Variants in EIF4ENIF1 observed in about 807,000 individuals in gnomAD.
The protein encoded by EIF4ENIF1 is eukaryotic translation initiation factor 4E transporter.
A neutral mutation model predicts 110.5 loss-of-function variants in EIF4ENIF1; 23 were observed. The observed-to-expected ratio is 0.21, with a 90% CI of 0.15 to 0.29. EIF4ENIF1 has a LOEUF of 0.29. Ranked by LOEUF, EIF4ENIF1 falls within the 10% of genes least tolerant of loss-of-function variation. EIF4ENIF1 has a pLI of 1.00. For missense variants in EIF4ENIF1, 1,031 were observed against 1,221.1 expected, an observed-to-expected ratio of 0.84 and a Z score of 2.32; for synonymous variants, 440 against 437.0, an observed-to-expected ratio of 1.01 and a Z score of -0.09.
chr22:31,489,378 A>G (rs761733), intron 1 of EIF4ENIF1: 152,557 of 152,560 alleles, frequency 1, 76,277 homozygotes, highest in Non-Finnish European at 1. Context: ...GGAAGGGCGG[A>G]GACCGTACTC....
chr22:31,439,441 A>AAACT lies in EIF4ENIF1; in HGVS notation c.*435_*438dup, dbSNP rs2050225700. 1.3e-5 allele frequency: 2 copies of AAACT among 156,828 alleles called. No individual in the cohort carries two copies. Among genetic ancestry groups the AAACT allele is most frequent in the Non-Finnish European group, 1.4e-5 (1 of 70,798 alleles). The allele number at this position is 156,828 out of a possible 1,614,324, so 9.7% of individuals were successfully genotyped here. A position where few individuals can be genotyped will look rare whatever the true frequency, so the allele number is the denominator to read the frequency against. ...CCAAATGTACAAGTGAAAAAAATCCAAACTGTTGACACAGGCCTAACTAAT... is the reference window on the plus strand; with the variant it reads ...CCAAATGTACAAGTGAAAAAAATCCAAACTAACTGTTGACACAGGCCTAACTAAT... On this transcript the variant is annotated 3_prime_UTR_variant, in exon 19 of 19. Transcript: ENST00000330125.
chr22:31,437,051 T>C (rs2145876572), downstream of EIF4ENIF1: 1 of 152,336 alleles, frequency 6.6e-6, no homozygotes, highest in African/African-American at 2.4e-5. Context: ...AGAGTCTGGC[T>C]TAAAAGACAC....
At chr22:31,449,701 T>C (rs965453175) in intron 11 of EIF4ENIF1, among the ~76,000 whole-genome samples, 170 bp from the exon 12 acceptor site, 1 of 151,868 alleles carries the variant, frequency 6.6e-6, no homozygotes, top group Non-Finnish European at 1.5e-5. Context: ...GCTAGCAACA[T>C]ATGCTCTAAG....
chr22:31,485,878 G>A (rs1486277144), intron 2 of EIF4ENIF1, among the ~76,000 whole-genome samples: 5 of 152,120 alleles, frequency 3.3e-5, no homozygotes, highest in Non-Finnish European at 1.5e-5. Flanking sequence ...CACTTTGGGA[G>A]GCCTAGGTGG....
chr22:31,491,431 C>T (rs998256819), upstream of EIF4ENIF1, among the ~76,000 whole-genome samples: 2 of 152,136 alleles, frequency 1.3e-5, no homozygotes, highest in African/African-American at 4.8e-5. Flanking sequence ...AAATCCTGAC[C>T]CTGCCAATTA....
At chr22:31,474,807 C>G (rs2051516258) in intron 2 of EIF4ENIF1, among the ~76,000 whole-genome samples, 1 of 152,126 alleles carries the variant, frequency 6.6e-6, no homozygotes, top group African/African-American at 2.4e-5. Flanking sequence ...AGTTAAAAAG[C>G]AATTCCGAAA....
In EIF4ENIF1 at chr22:31,449,513, C is replaced by T. The variant is rs2050583586; in HGVS notation, c.1603G>A (p.Val535Ile). 2.5e-6 allele frequency: 4 copies of T among 1,613,180 alleles called. No individual in the cohort carries two copies. Among genetic ancestry groups the T allele is most frequent in the East Asian group, 2.2e-5 (1 of 44,870 alleles). ...AGATTGGAAGAAGCAGGTCTCTGAA[C>T]TGGTTGACCCAGAAGTTCCTAAAGG... ...NILQELLGQP[V>I]QRPASSNLLS... The change falls in exon 12 of 19, where the codon GTT becomes ATT. Residue 535 changes from valine (V) to isoleucine (I), a missense_variant. Val to Ile is a conservative substitution (Grantham distance 29, BLOSUM62 3). Transcript: ENST00000330125.
At chr22:31,486,289 A>AG (rs2052025097) in intron 2 of EIF4ENIF1, among the ~76,000 whole-genome samples, 1 of 150,114 alleles carries the variant, frequency 6.7e-6, no homozygotes, top group Non-Finnish European at 1.5e-5. Context: ...AAAAATAAAA[A>AG]TAAAAATAAA....
intron 7 of EIF4ENIF1, among the ~76,000 whole-genome samples, chr22:31,457,587 AC>A (rs543919091): frequency 1.1e-3 from 160 of 152,284 alleles, no homozygotes; most frequent in Non-Finnish European, 1.9e-3. Context: ...GAAATCTGGA[AC>A]CCACAGTTTC....
chr22:31,471,749 A>T, intron 3 of EIF4ENIF1, 95 bp downstream of exon 3: 1 of 1,126,536 alleles, frequency 8.9e-7, no homozygotes, highest in South Asian at 1.4e-5. Context: ...ATTCTACCAG[A>T]AAACTTCAAA....
At chr22:31,444,505 G>A in intron 15 of EIF4ENIF1, 101 bp downstream of exon 15, 1 of 1,118,702 alleles carries the variant, frequency 8.9e-7, no homozygotes. Flanking sequence ...TATTTCCGTG[G>A]AAGGAACTCA....
intron 17 of EIF4ENIF1, 68 bp downstream of exon 17, chr22:31,441,706 T>A: frequency 7.6e-7 from 1 of 1,309,810 alleles, no homozygotes; most frequent in East Asian, 2.4e-5. Context: ...TTATAGCACT[T>A]CATCAGTGCC....
rs777072749 is a variant in EIF4ENIF1 at position 31,462,865 on chromosome 22, G to A, written c.787+67C>T. ...CCCAAAGTGTTGGGATTACAGGTGT[G>A]AGCCACCACGCCCAGCCTACATCTC... On this transcript the variant is annotated intron_variant, in intron 6 of 18. Coordinates refer to ENST00000330125, the MANE Select transcript of EIF4ENIF1 (RefSeq NM_019843.4). 226 of 1,535,158 alleles carry A rather than the reference G, an allele frequency of 1.5e-4. 1 individual carries two copies. The highest frequency in any genetic ancestry group is 4.3e-4 in the Admixed American group (25 of 58,090).
chr22:31,485,954 A>C (rs1466429001), intron 2 of EIF4ENIF1, among the ~76,000 whole-genome samples: 1 of 147,760 alleles, frequency 6.8e-6, no homozygotes, highest in African/African-American at 2.6e-5. Context: ...CTAAAAATAC[A>C]AAAAAAAATA....
chr22:31,464,278 A>G (rs1037125918), intron 4 of EIF4ENIF1: 12 of 277,234 alleles, frequency 4.3e-5, no homozygotes, highest in Non-Finnish European at 7.4e-5. Flanking sequence ...GTCAACTAAT[A>G]AACTACAGCA....
At chr22:31,445,963 C>A (rs556310151) in intron 14 of EIF4ENIF1, among the ~76,000 whole-genome samples, 4 of 148,910 alleles carry the variant, frequency 2.7e-5, no homozygotes, top group Admixed American at 6.7e-5. Flanking sequence ...GCCCCCCCCC[C>A]CCATCTACCT....
chr22:31,451,496 G>T (rs1349661381), intron 10 of EIF4ENIF1, among the ~76,000 whole-genome samples: 2 of 150,732 alleles, frequency 1.3e-5, no homozygotes, highest in Admixed American at 6.6e-5. Flanking sequence ...GGATGGTCTC[G>T]ATCTCCTGAC....
intron 2 of EIF4ENIF1, among the ~76,000 whole-genome samples, chr22:31,487,359 G>A (rs1245007359): frequency 1.3e-5 from 2 of 152,218 alleles, no homozygotes; most frequent in African/African-American, 4.8e-5. Flanking sequence ...GTTTCCTTCA[G>A]TGCTGAAAAT....
At chr22:31,471,129 T>C (rs117479145) in intron 3 of EIF4ENIF1, among the ~76,000 whole-genome samples, 1,550 of 151,610 alleles carry the variant, frequency 0.01, 15 homozygotes, top group Non-Finnish European at 0.012. Flanking sequence ...ACCAAAGCCT[T>C]CTTCTTCTGA....
Sources: gnomAD v4.1 joint callset for allele counts (sites outside exome capture counted in the v4.1 genomes callset) on GRCh38, gnomAD v4.1.1 for gene constraint, MANE v1.5 for transcripts, NCBI Gene and HGNC (gene_info 2026-07-23, HGNC 2026-07-21) for gene names.